Variants in SGCZ observed in about 807,000 individuals in gnomAD.
SGCZ encodes sarcoglycan zeta.
Under a neutral mutation model 41.3 loss-of-function variants are expected in SGCZ, and 40 were observed. The observed-to-expected ratio is 0.97, with a 90% confidence interval of 0.75 to 1.26. The LOEUF (loss-of-function observed/expected upper bound fraction) is 1.26. SGCZ is among the 50% of genes most tolerant of loss of function. The pLI is 0.00. For synonymous variants in SGCZ, 206 were observed against 137.5 expected, an observed-to-expected ratio of 1.50 and a Z score of -3.49; for missense variants, 552 against 369.8, an observed-to-expected ratio of 1.49 and a Z score of -4.04.
intron 5 of SGCZ, among the ~76,000 whole-genome samples, chr8:14,141,844 T>C (rs7007262): frequency 0.022 from 3,283 of 152,226 alleles, 146 homozygotes; most frequent in African/African-American, 0.076. Flanking sequence ...ATAAAACATG[T>C]TGCTATAAAG....
chr8:14,642,165 C>A (rs1320792026), intron 1 of SGCZ, among the ~76,000 whole-genome samples: 1 of 151,588 alleles, frequency 6.6e-6, no homozygotes, highest in Non-Finnish European at 1.5e-5. Flanking sequence ...GCTAATGAGA[C>A]AACTAACGTG....
At chr8:14,758,773 C>T (rs1234658259) in intron 1 of SGCZ, among the ~76,000 whole-genome samples, 4 of 152,084 alleles carry the variant, frequency 2.6e-5, no homozygotes, top group African/African-American at 9.7e-5. Flanking sequence ...CTTTGGGAGG[C>T]CGAGGCGGGT....
At chr8:14,875,111 TG>T (rs1434276377) in intron 1 of SGCZ, among the ~76,000 whole-genome samples, 1 of 152,132 alleles carries the variant, frequency 6.6e-6, no homozygotes, top group East Asian at 1.9e-4. Context: ...TTCTGGAGGC[TG>T]GGAAATTCAA....
Position 14,683,243 on chromosome 8 carries a change from C to T in SGCZ, c.40-128317G>A, listed in dbSNP as rs1045078965. On this transcript the variant is annotated intron_variant, in intron 1 of 7. Transcript: ENST00000382080. ...AATTTATAATAACAATAAATGCTTA[C>T]GATTACAATCCATTTTATACCCAAC... Among the ~76,000 whole-genome samples, 9 of 152,178 alleles carry T rather than the reference C, an allele frequency of 5.9e-5. No individual in the cohort carries two copies. The South Asian group carries it at 1.2e-3, about 21-fold the overall frequency.
intron 7 of SGCZ, among the ~76,000 whole-genome samples, chr8:14,093,971 G>C (rs1314972029): frequency 1.3e-5 from 2 of 151,844 alleles, no homozygotes; most frequent in African/African-American, 4.8e-5. Context: ...CATCCATATA[G>C]AATAGGGCAT....
intron 1 of SGCZ, among the ~76,000 whole-genome samples, chr8:15,041,012 C>T (rs1172491354): frequency 1.3e-5 from 2 of 151,870 alleles, no homozygotes; most frequent in Non-Finnish European, 2.9e-5. Context: ...AAAGTAAAAA[C>T]TTCTATTTAA....
At chr8:14,779,406 T>C (rs1200843652) in intron 1 of SGCZ, among the ~76,000 whole-genome samples, 1 of 152,150 alleles carries the variant, frequency 6.6e-6, no homozygotes, top group Non-Finnish European at 1.5e-5. Flanking sequence ...CCTTTGAAAG[T>C]GCATCCACCA....
chr8:14,940,048 T>C (rs1800218717), intron 1 of SGCZ, among the ~76,000 whole-genome samples: 1 of 152,144 alleles, frequency 6.6e-6, no homozygotes, highest in Non-Finnish European at 1.5e-5. Flanking sequence ...TGTTTATGTT[T>C]TTTACAAGGA....
chr8:14,956,188 C>A (rs1563389739), intron 1 of SGCZ, among the ~76,000 whole-genome samples: 2 of 151,644 alleles, frequency 1.3e-5, no homozygotes, highest in Non-Finnish European at 2.9e-5. Flanking sequence ...TACAGGCATG[C>A]GTGACCACAC....
At chr8:14,411,372 T>G (rs1799356156) in intron 2 of SGCZ, among the ~76,000 whole-genome samples, 1 of 152,178 alleles carries the variant, frequency 6.6e-6, no homozygotes, top group South Asian at 2.1e-4. Flanking sequence ...ATTAGTGTTC[T>G]GTTACTTATG....
intron 1 of SGCZ, among the ~76,000 whole-genome samples, chr8:14,657,012 C>G (rs1807598871): frequency 6.6e-6 from 1 of 151,244 alleles, no homozygotes; most frequent in African/African-American, 2.4e-5. Context: ...TTTAAATGTT[C>G]AAAACTTAAA....
intron 1 of SGCZ, among the ~76,000 whole-genome samples, chr8:14,813,722 TG>T (rs1563287807): frequency 6.6e-6 from 1 of 151,858 alleles, no homozygotes; most frequent in East Asian, 1.9e-4. Context: ...GAGAGGGAGG[TG>T]GGCAGATCAC....
intron 3 of SGCZ, among the ~76,000 whole-genome samples, chr8:14,318,775 C>T (rs1437682093): frequency 2.0e-5 from 3 of 151,940 alleles, no homozygotes; most frequent in Non-Finnish European, 4.4e-5. Flanking sequence ...AACAGAAGAG[C>T]TAGACAGTAA....
At chr8:15,128,699 C>T (rs893960133) in intron 1 of SGCZ, among the ~76,000 whole-genome samples, 1 of 152,308 alleles carries the variant, frequency 6.6e-6, no homozygotes, top group Middle Eastern at 3.4e-3. Context: ...CACATGTCCC[C>T]ACAAAACTTA....
chr8:14,750,315 T>C (rs910832523), intron 1 of SGCZ, among the ~76,000 whole-genome samples: 4 of 152,134 alleles, frequency 2.6e-5, no homozygotes, highest in Non-Finnish European at 4.4e-5. Flanking sequence ...TTTTATGACA[T>C]TAAAGATTCA....
intron 1 of SGCZ, among the ~76,000 whole-genome samples, chr8:15,128,715 G>C (rs1269275827): frequency 6.6e-6 from 1 of 152,158 alleles, no homozygotes; most frequent in Non-Finnish European, 1.5e-5. Flanking sequence ...ACTTAGATAA[G>C]AAACAGATGC....
At chr8:14,326,840 C>G (rs1424909752) in intron 2 of SGCZ, among the ~76,000 whole-genome samples, 1 of 152,078 alleles carries the variant, frequency 6.6e-6, no homozygotes, top group Non-Finnish European at 1.5e-5. Context: ...AATTACATTA[C>G]CACCCACTTA....
chr8:14,474,153 A>G (rs1801292667), intron 2 of SGCZ, among the ~76,000 whole-genome samples: 1 of 152,100 alleles, frequency 6.6e-6, no homozygotes, highest in Non-Finnish European at 1.5e-5. Context: ...CAACAACACA[A>G]TTTAATATTC....
intron 1 of SGCZ, among the ~76,000 whole-genome samples, chr8:14,597,069 A>G (rs2117301418): frequency 6.6e-6 from 1 of 152,338 alleles, no homozygotes; most frequent in Middle Eastern, 3.4e-3. Context: ...CATTTTCAAA[A>G]GTTAAACTAG....
Sources: allele counts gnomAD v4.1 joint callset (sites outside exome capture counted in the v4.1 genomes callset), GRCh38; gene constraint gnomAD v4.1.1; transcripts MANE v1.5; gene names NCBI Gene and HGNC (gene_info 2026-07-23, HGNC 2026-07-21).